PITRM1: variants seen among roughly 807,000 people sequenced by gnomAD.
The protein encoded by PITRM1 is pitrilysin metallopeptidase 1.
Under a neutral mutation model 129.9 loss-of-function variants are expected in PITRM1, and 100 were observed. That is an observed-to-expected ratio of 0.77 (90% confidence interval 0.65 to 0.91). The LOEUF (loss-of-function observed/expected upper bound fraction) is 0.91. PITRM1 is among the 40% of genes least tolerant of loss of function. The probability of loss-of-function intolerance (pLI) is 0.00; values close to 1 mark genes in which losing one functional copy is unlikely to be tolerated. For missense variants in PITRM1, 1,471 were observed against 1,318.3 expected (o/e 1.12, Z -1.79); for synonymous variants, 591 against 508.8 (o/e 1.16, Z -2.17).
At chr10:3,140,866 C>A in intron 23 of PITRM1, 54 bp from the exon 24 acceptor site, 1 of 1,380,174 alleles carries the variant, frequency 7.2e-7, no homozygotes, top group Non-Finnish European at 1.0e-6. Context: ...AAAGCATAGA[C>A]AATGAAGTAA....
At chr10:3,152,448 C>T (rs1372840290) in intron 14 of PITRM1, among the ~76,000 whole-genome samples, 2 of 152,232 alleles carry the variant, frequency 1.3e-5, no homozygotes, top group East Asian at 1.9e-4. Context: ...TGAAGTTCCC[C>T]GAGAGCGTGC....
At position 3,147,539 on chromosome 10, in the gene PITRM1, C is replaced by T. The variant is rs373787316; in HGVS notation, c.2235+33G>A. 297 of 1,605,440 alleles carry T rather than the reference C, an allele frequency of 1.8e-4. No individual in the cohort carries two copies. In the African/African-American group the frequency reaches 3.2e-3, roughly 17 times the overall value. On this transcript the variant is annotated intron_variant, in intron 19 of 26. Coordinates refer to ENST00000224949, the MANE Select transcript of PITRM1 (RefSeq NM_014889.4). ...GTAACTCTGGAATATGTGGCTAAAC[C>T]GGAGTAATAGAGGTTCCTTCCAAGC...
chr10:3,168,135 C>T (rs916749376), intron 2 of PITRM1, among the ~76,000 whole-genome samples: 3 of 152,082 alleles, frequency 2.0e-5, no homozygotes, highest in Non-Finnish European at 2.9e-5. Context: ...CCTGGCCAAG[C>T]GCACACAGTA....
intron 16 of PITRM1, chr10:3,149,250 C>T (rs904808965): frequency 4.6e-5 from 8 of 173,320 alleles, no homozygotes; most frequent in East Asian, 1.7e-4. Flanking sequence ...ACTGCAGGGT[C>T]GGCTTGGAGG....
chr10:3,169,712 G>A (rs1443595503), intron 2 of PITRM1, among the ~76,000 whole-genome samples: 1 of 152,224 alleles, frequency 6.6e-6, no homozygotes. Context: ...TCAGAAAACT[G>A]AAAGGTTCTG....
chr10:3,139,081 A>G, intron 24 of PITRM1, 32 bp from the exon 25 acceptor site: 2 of 1,602,250 alleles, frequency 1.2e-6, no homozygotes, highest in South Asian at 2.2e-5. Context: ...ACGGGCAAGC[A>G]TTTTACCAGT....
chr10:3,172,756 C>G lies in PITRM1; in HGVS notation c.17G>C (p.Gly6Ala). The G allele has an allele frequency of 6.5e-7, 1 of 1,546,672 alleles. No homozygotes were observed. Among genetic ancestry groups the G allele is most frequent in the Non-Finnish European group, 8.7e-7 (1 of 1,145,554 alleles). The change falls in exon 1 of 27, where the codon GGG becomes GCG. Residue 6 changes from glycine (G) to alanine (A), a missense_variant. Gly to Ala is a moderately conservative substitution (Grantham distance 60, BLOSUM62 0). Coordinates refer to ENST00000224949, the MANE Select transcript of PITRM1 (RefSeq NM_014889.4). Reference protein sequence around the residue: MWRCGGRQGLCVLRRL... With the variant: MWRCGARQGLCVLRRL... The stretch of plus-strand genomic sequence containing the variant: ...CCTCAGCACACACAGGCCCTGCCGC[C>G]CGCCGCAGCGCCACATTGCGCATGA...
chr10:3,171,146 T>TAAAAAAAAAAAAAAA lies in PITRM1; in HGVS notation c.57-941_57-940insTTTTTTTTTTTTTTT. On this transcript the variant is annotated intron_variant, in intron 1 of 26. Coordinates refer to ENST00000224949, the MANE Select transcript of PITRM1 (RefSeq NM_014889.4). ...GATAAAGTGCGGACTAATCGTTCAA[T>TAAAAAAAAAAAAAAA]TAAAAAAAAAAAAAAAAAAAAAAAA... is the stretch of plus-strand genomic sequence containing the variant. 9.6e-3 allele frequency among the ~76,000 whole-genome samples: 347 copies of TAAAAAAAAAAAAAAA among 36,258 alleles called. 129 individuals are homozygous for TAAAAAAAAAAAAAAA. Among genetic ancestry groups the TAAAAAAAAAAAAAAA allele is most frequent in the Middle Eastern group, 0.034 (2 of 58 alleles). The allele number at this position is 36,258 out of a possible 152,430, so 23.8% of individuals were successfully genotyped here.
At chr10:3,151,768 C>T (rs942264359) in intron 14 of PITRM1, among the ~76,000 whole-genome samples, 3 of 152,164 alleles carry the variant, frequency 2.0e-5, no homozygotes, top group Non-Finnish European at 4.4e-5. Flanking sequence ...CAGGGTCTGG[C>T]TCTGTCACCC....
chr10:3,137,926 C>A lies in PITRM1; in HGVS notation c.*105G>T. On this transcript the variant is annotated 3_prime_UTR_variant, in exon 27 of 27. Transcript: ENST00000224949. ...GCCAGTCAAGGGCTTTGGCGACACTCAATGACATAATATTCTTGGAAAAAG... is the reference window on the plus strand; with the variant it reads ...GCCAGTCAAGGGCTTTGGCGACACTAAATGACATAATATTCTTGGAAAAAG... The A allele has an allele frequency of 1.4e-6, 1 of 708,086 alleles. No individual in the cohort carries two copies. The allele number at this position is 708,086 out of a possible 1,614,324, so 43.9% of individuals were successfully genotyped here.
chr10:3,149,628 G>A lies in PITRM1; in HGVS notation c.1864C>T (p.Leu622Phe). The change falls in exon 16 of 27, where the codon CTC becomes TTC. Residue 622 changes from leucine to phenylalanine, a missense_variant. By Grantham distance (22) the Leu-to-Phe change is conservative. Coordinates refer to ENST00000224949, the MANE Select transcript of PITRM1 (RefSeq NM_014889.4). ...RPYVPLFCSV[L>F]TKLGCGLLDY... ...GTATGTTGCGACTCGTACTTGGTGA[G>A]GACGCTGCAGAAGAGGGGCACATAG... 6 of 1,567,242 alleles carry A rather than the reference G, an allele frequency of 3.8e-6. No homozygotes were observed. In the South Asian group the frequency reaches 4.8e-5, roughly 12 times the overall value.
rs757610923 is a variant in PITRM1, at chr10:3,147,695, C to T, written c.2112G>A (p.Lys704=). Residue 704 remains lysine (K), a synonymous_variant, in exon 19 of 27, where the codon AAG becomes AAA. Coordinates refer to ENST00000224949, the MANE Select transcript of PITRM1 (RefSeq NM_014889.4). ...CATTGGCGAGCTCCTGGGCGGTCAT[C>T]TTCACCAGCACCTTGAAGTGCTCCT... ...EEEEHFKVLV[K]MTAQELANGI... 1.2e-6 allele frequency: 2 copies of T among 1,612,456 alleles called. No homozygotes were observed. Among genetic ancestry groups the T allele is most frequent in the South Asian group, 1.1e-5 (1 of 90,760 alleles).
intron 25 of PITRM1, 188 bp downstream of exon 25, chr10:3,138,716 C>T: frequency 1.4e-6 from 1 of 728,762 alleles, no homozygotes; most frequent in South Asian, 1.6e-5. Flanking sequence ...AAACAAATGA[C>T]AGGATGCACT....
At position 3,138,163 on chromosome 10, in the gene PITRM1, C is replaced by CT. The variant is rs1839754901; in HGVS notation, c.3021-40dup. ...AGGCGTGGTCAGCAAGGACTGGCTT[C>CT]TGCGTGAGCGCTGTTAGAGTCAGCA... On this transcript the variant is annotated intron_variant, in intron 26 of 26. Coordinates refer to ENST00000224949, the MANE Select transcript of PITRM1 (RefSeq NM_014889.4). The CT allele has an allele frequency of 3.8e-6, 6 of 1,573,082 alleles. No homozygotes were observed. The Admixed American group carries it at 6.8e-5, about 18-fold the overall frequency.
chr10:3,167,618 C>T lies in PITRM1; in HGVS notation c.160-576G>A, dbSNP rs369267463. ...TGTGTGCTGTGCCTCAGTAACACAGCGCCCCTTCCAATGTCTGCTGAGTGT... is the reference window on the plus strand; with the variant it reads ...TGTGTGCTGTGCCTCAGTAACACAGTGCCCCTTCCAATGTCTGCTGAGTGT... On this transcript the variant is annotated intron_variant, in intron 2 of 26. Transcript: ENST00000224949. 4.6e-5 allele frequency among the ~76,000 whole-genome samples: 7 copies of T among 152,320 alleles called. No homozygotes were observed. In the South Asian group the frequency reaches 1.5e-3, roughly 32 times the overall value.
intron 16 of PITRM1, chr10:3,149,395 G>C (rs1300839447): frequency 2.6e-6 from 1 of 385,992 alleles, no homozygotes; most frequent in Non-Finnish European, 4.6e-6. Context: ...AGATCTATAA[G>C]TATCTCCTTA....
At chr10:3,145,536 A>G (rs1171255989) in intron 21 of PITRM1, 60 bp downstream of exon 21, 3 of 1,453,950 alleles carry the variant, frequency 2.1e-6, no homozygotes, top group East Asian at 4.9e-5. Context: ...CGTGTAAAAC[A>G]TGAGAGCTGC....
intron 7 of PITRM1, among the ~76,000 whole-genome samples, chr10:3,161,999 T>C (rs1842481063): frequency 6.9e-6 from 1 of 145,198 alleles, no homozygotes; most frequent in African/African-American, 2.4e-5. Context: ...GGCGAGACTC[T>C]GTCTCTACAA....
intron 2 of PITRM1, among the ~76,000 whole-genome samples, chr10:3,167,364 T>C (rs1842963506): frequency 6.6e-6 from 1 of 152,254 alleles, no homozygotes; most frequent in Non-Finnish European, 1.5e-5. Context: ...TTTTTAAATT[T>C]TTTATTCTTT....
Sources: allele counts gnomAD v4.1 joint callset (sites outside exome capture counted in the v4.1 genomes callset), GRCh38; gene constraint gnomAD v4.1.1; transcripts MANE v1.5; gene names NCBI Gene and HGNC (gene_info 2026-07-23, HGNC 2026-07-21).